The following PCDH11X variants were observed in gnomAD, a reference collection of about 807,000 sequenced individuals.
The protein encoded by PCDH11X is protocadherin-11 X-linked.
Under a neutral mutation model 53.3 loss-of-function variants are expected in PCDH11X, and 18 were observed. The observed-to-expected ratio is 0.34, with a 90% confidence interval of 0.23 to 0.50. The LOEUF is 0.50. PCDH11X is among the 20% of genes least tolerant of loss of function. The pLI, the probability that PCDH11X is intolerant of heterozygous loss-of-function variation, is 0.98. For missense variants in PCDH11X, 570 were observed against 1,032.4 expected (o/e 0.55, Z 6.14); for synonymous variants, 279 against 393.3 (o/e 0.71, Z 3.44).
intron 1 of PCDH11X, among the ~76,000 whole-genome samples, chrX:91,780,413 A>G (rs1935093404): frequency 8.9e-6 from 1 of 112,409 alleles, no homozygotes; most frequent in African/African-American, 3.2e-5. Flanking sequence ...TTTAAAAATC[A>G]ACTTATAATC....
intron 6 of PCDH11X, among the ~76,000 whole-genome samples, chrX:91,950,593 T>G (rs2061627630): frequency 1.3e-5 from 1 of 76,912 alleles, no homozygotes; most frequent in African/African-American, 4.6e-5. Context: ...AAATGTGATA[T>G]ATATATATAT....
intron 8 of PCDH11X, among the ~76,000 whole-genome samples, chrX:92,276,766 A>C (rs2068103397): frequency 8.9e-6 from 1 of 111,854 alleles, no homozygotes; most frequent in African/African-American, 3.2e-5. Context: ...TGGGTAATAA[A>C]ATGTATATTG....
intron 10 of PCDH11X, among the ~76,000 whole-genome samples, chrX:92,515,026 G>A (rs189220460): frequency 0.045 from 3,670 of 81,725 alleles, 93 homozygotes; most frequent in Middle Eastern, 0.099. Context: ...CAGCCTGGGC[G>A]ACAGAGCGAG....
chrX:92,410,928 C>T (rs185701324), intron 9 of PCDH11X, among the ~76,000 whole-genome samples: 1 of 109,304 alleles, frequency 9.1e-6, no homozygotes, highest in Non-Finnish European at 1.9e-5. Context: ...GAAAGAAGAA[C>T]CTGCAAACTC....
intron 6 of PCDH11X, among the ~76,000 whole-genome samples, chrX:92,141,685 T>G (rs58223775): frequency 0.041 from 4,566 of 111,652 alleles, 213 homozygotes; most frequent in African/African-American, 0.14. Flanking sequence ...TTTAACCAAT[T>G]AACGATGCTT....
At chrX:92,041,723 G>A (rs2063212178) in intron 6 of PCDH11X, among the ~76,000 whole-genome samples, 1 of 112,146 alleles carries the variant, frequency 8.9e-6, no homozygotes, top group South Asian at 3.7e-4. Context: ...TGTAATCCCA[G>A]CACTTTGGGA....
At chrX:91,788,845 G>A (rs1304630520) in intron 1 of PCDH11X, among the ~76,000 whole-genome samples, 1 of 111,940 alleles carries the variant, frequency 8.9e-6, no homozygotes, top group Non-Finnish European at 1.9e-5. Flanking sequence ...AAATATGCAA[G>A]CTTTTTGAAA....
At chrX:92,164,680 T>C (rs2065701583) in intron 6 of PCDH11X, among the ~76,000 whole-genome samples, 1 of 108,174 alleles carries the variant, frequency 9.2e-6, no homozygotes, top group Non-Finnish European at 1.9e-5. Flanking sequence ...GTAATTCTGA[T>C]GCAAGAATTC....
At chrX:92,380,104 G>A (rs1369442958) in intron 8 of PCDH11X, among the ~76,000 whole-genome samples, 2 of 98,576 alleles carry the variant, frequency 2.0e-5, no homozygotes, top group East Asian at 6.2e-4. Flanking sequence ...CCTTTTTGGG[G>A]CTCTGTGGGT....
chrX:92,457,741 T>C (rs1408068268), intron 9 of PCDH11X, among the ~76,000 whole-genome samples: 2 of 109,825 alleles, frequency 1.8e-5, no homozygotes, highest in African/African-American at 6.6e-5. Flanking sequence ...CATCACTATC[T>C]TTCTCATTTT....
intron 10 of PCDH11X, among the ~76,000 whole-genome samples, chrX:92,613,530 TTG>T (rs1392321816): frequency 4.8e-5 from 4 of 82,869 alleles, no homozygotes; most frequent in Admixed American, 1.3e-4. Flanking sequence ...TTAAGTTTTT[TTG>T]TTGTTGTTGT....
At chrX:92,043,471 CAT>C (rs1424606836) in intron 6 of PCDH11X, among the ~76,000 whole-genome samples, 3 of 94,069 alleles carry the variant, frequency 3.2e-5, no homozygotes, top group Non-Finnish European at 5.9e-5. Context: ...TAGGAATACA[CAT>C]GTTTTACAAA....
intron 6 of PCDH11X, among the ~76,000 whole-genome samples, chrX:92,058,880 G>C (rs2063488470): frequency 9.4e-6 from 1 of 106,417 alleles, no homozygotes; most frequent in African/African-American, 3.3e-5. Context: ...AATTGAATTT[G>C]ATATTGTGGT....
chrX:92,590,371 A>T (rs1924908896), intron 10 of PCDH11X, among the ~76,000 whole-genome samples: 1 of 111,090 alleles, frequency 9.0e-6, no homozygotes, highest in Admixed American at 9.6e-5. Context: ...CTCATCTGGG[A>T]TCCCCTGACC....
Position 92,476,924 on chromosome X carries a change from C to CAA in PCDH11X, c.3367+8620_3367+8621dup, listed in dbSNP as rs766830064. On this transcript the variant is annotated intron_variant, in intron 10 of 10. Transcript: ENST00000682573. ...CTTGTTCTCTTTTCTTACTTTCTTC[C>CAA]AAAAAAAAAAAAAAAAAAATGGAGT... Among the ~76,000 whole-genome samples, 8 of 18,459 alleles carry CAA rather than the reference C, an allele frequency of 4.3e-4. 1 individual carries two copies. Among genetic ancestry groups the CAA allele is most frequent in the African/African-American group, 1.9e-3 (3 of 1,569 alleles). The allele number at this position is 18,459 out of a possible 115,157, so 16.0% of individuals were successfully genotyped here.
At chrX:91,782,686 A>G (rs1348686200) in intron 1 of PCDH11X, among the ~76,000 whole-genome samples, 1 of 109,454 alleles carries the variant, frequency 9.1e-6, no homozygotes, top group African/African-American at 3.3e-5. Context: ...GAAAGGCTCT[A>G]TCCACTACTG....
At chrX:92,555,932 C>T (rs1174053163) in intron 10 of PCDH11X, among the ~76,000 whole-genome samples, 1 of 110,024 alleles carries the variant, frequency 9.1e-6, no homozygotes, top group Non-Finnish European at 1.9e-5. Context: ...GCTGTGGAGG[C>T]CTCAGGAAAC....
chrX:91,902,452 G>A (rs2524565), intron 6 of PCDH11X, among the ~76,000 whole-genome samples: 40,281 of 97,130 alleles, frequency 0.41, 8,006 homozygotes, highest in East Asian at 0.6. Context: ...TGGCCTTCTG[G>A]TAATTCCATT....
chrX:92,066,139 CT>C (rs1309387348), intron 6 of PCDH11X, among the ~76,000 whole-genome samples: 1 of 88,284 alleles, frequency 1.1e-5, no homozygotes, highest in Non-Finnish European at 2.2e-5. Context: ...TTCTTGGTAC[CT>C]TTGTCAAAAA....
Sources: allele counts gnomAD v4.1 joint callset (sites outside exome capture counted in the v4.1 genomes callset), GRCh38; gene constraint gnomAD v4.1.1; transcripts MANE v1.5; gene names NCBI Gene and HGNC (gene_info 2026-07-23, HGNC 2026-07-21).